CEACAM16: variants seen among roughly 807,000 people sequenced by gnomAD.
CEACAM16 encodes cell adhesion molecule CEACAM16.
In CEACAM16, 30 loss-of-function variants were observed where a neutral mutation model predicts 39.4. The ratio of observed to expected loss-of-function variants is 0.76; its 90% CI spans 0.57 to 1.03. The LOEUF is 1.03. Ranked by LOEUF, CEACAM16 falls within the 50% of genes least tolerant of loss-of-function variation. The pLI is 0.00. For synonymous variants in CEACAM16, 262 were observed against 264.9 expected, an observed-to-expected ratio of 0.99 and a Z score of 0.11; for missense variants, 521 against 585.3, an observed-to-expected ratio of 0.89 and a Z score of 1.13.
Position 44,701,614 on chromosome 19 carries a change from C to G in CEACAM16, c.37+121C>G, listed in dbSNP as rs553552036. 145 of 989,330 alleles carry G rather than the reference C, an allele frequency of 1.5e-4. 1 individual carries two copies. The African/African-American group carries it at 1.6e-3, about 11-fold the overall frequency. The allele number at this position is 989,330 out of a possible 1,614,324, so 61.3% of individuals were successfully genotyped here. On this transcript the variant is annotated intron_variant, in intron 2 of 6. Coordinates refer to ENST00000587331, the MANE Select transcript of CEACAM16 (RefSeq NM_001039213.4). The surrounding 1 kb of genome is among the most constrained non-coding windows in gnomAD (Gnocchi z 4.0). ...AGTCCAGCGTGCTAGGGAGGGAGGG[C>G]AGCCCTGCTTCACACCGGCAGTTTA... is the stretch of plus-strand genomic sequence containing the variant.
Position 44,701,442 on chromosome 19 carries a change from G to T in CEACAM16, c.-15G>T. Reference sequence around the variant, plus strand: ...TTCAACGCCACCATCTCCAAGACTCGGTTTGGGGTGAAAGATGGCGCTGAC... The same window carrying T: ...TTCAACGCCACCATCTCCAAGACTCTGTTTGGGGTGAAAGATGGCGCTGAC... On this transcript the variant is annotated 5_prime_UTR_variant, in exon 2 of 7. Coordinates refer to ENST00000587331, the MANE Select transcript of CEACAM16 (RefSeq NM_001039213.4). This position sits in a 1 kb window ranked among gnomAD's most constrained non-coding sequence, Gnocchi z 4.0. 1 of 1,560,986 alleles carries T rather than the reference G, an allele frequency of 6.4e-7. No homozygotes were observed.
intron 5 of CEACAM16, among the ~76,000 whole-genome samples, chr19:44,707,608 C>A (rs1974469230): frequency 6.6e-6 from 1 of 152,166 alleles, no homozygotes; most frequent in Non-Finnish European, 1.5e-5. Context: ...TAGGGTCTTC[C>A]AGTTTGATGG....
Position 44,701,631 on chromosome 19 carries a change from G to A in CEACAM16, c.37+138G>A, listed in dbSNP as rs535958134. On this transcript the variant is annotated intron_variant, in intron 2 of 6. Transcript: ENST00000587331. The surrounding 1 kb of genome is among the most constrained non-coding windows in gnomAD (Gnocchi z 4.0). ...AGGGAGGGCAGCCCTGCTTCACACC[G>A]GCAGTTTACCCCTCCAAGAGGCATC... 53 of 846,440 alleles carry A rather than the reference G, an allele frequency of 6.3e-5. No homozygotes were observed. Among genetic ancestry groups the A allele is most frequent in the African/African-American group, 8.3e-5 (5 of 60,032 alleles). 52.4% of individuals were successfully genotyped at this position (846,440 alleles called of 1,614,324 possible). A position where few individuals can be genotyped will look rare whatever the true frequency, so the allele number is the denominator to read the frequency against.
Position 44,701,456 on chromosome 19 carries a change from G to C in CEACAM16, c.-1G>C. ...CTCCAAGACTCGGTTTGGGGTGAAA[G>C]ATGGCGCTGACTGGGTACAGCTGGC... On this transcript the variant is annotated 5_prime_UTR_variant, in exon 2 of 7. Transcript: ENST00000587331. This position sits in a 1 kb window ranked among gnomAD's most constrained non-coding sequence, Gnocchi z 4.0. 1.3e-6 allele frequency: 2 copies of C among 1,564,290 alleles called. No homozygotes were observed.
chr19:44,701,394 G>T lies in CEACAM16; in HGVS notation c.-63G>T. 1.1e-5 allele frequency: 17 copies of T among 1,533,498 alleles called. No individual in the cohort carries two copies. The highest frequency in any genetic ancestry group is 1.5e-5 in the Non-Finnish European group (17 of 1,130,182). 95.0% of individuals were successfully genotyped at this position (1,533,498 alleles called of 1,614,324 possible). ...GCAGACGGAGCCGAGCCCCAACCAGGAAGGGAGTCCGAGCACTGGGACTTC... is the reference window on the plus strand; with the variant it reads ...GCAGACGGAGCCGAGCCCCAACCAGTAAGGGAGTCCGAGCACTGGGACTTC... On this transcript the variant is annotated 5_prime_UTR_variant, in exon 2 of 7. An upstream open reading frame in the 5' UTR gains an earlier in-frame stop. Coordinates refer to ENST00000587331, the MANE Select transcript of CEACAM16 (RefSeq NM_001039213.4). The surrounding 1 kb of genome is among the most constrained non-coding windows in gnomAD (Gnocchi z 4.0).
At chr19:44,708,357 A>G (rs572555812) in intron 6 of CEACAM16, among the ~76,000 whole-genome samples, 170 bp downstream of exon 6, 1 of 152,322 alleles carries the variant, frequency 6.6e-6, no homozygotes, top group African/African-American at 2.4e-5. Flanking sequence ...GGGGTCCCCA[A>G]ATAGGGTTCT....
At chr19:44,699,670 T>C (rs1402920168) in intron 1 of CEACAM16, among the ~76,000 whole-genome samples, 1 of 151,926 alleles carries the variant, frequency 6.6e-6, no homozygotes, top group Non-Finnish European at 1.5e-5. Flanking sequence ...AGCCACTGCG[T>C]CCGGCCATGA....
At chr19:44,700,521 C>T (rs948277876) in intron 1 of CEACAM16, among the ~76,000 whole-genome samples, 2 of 152,176 alleles carry the variant, frequency 1.3e-5, no homozygotes, top group African/African-American at 2.4e-5. Flanking sequence ...TCAAATGATC[C>T]GCCTGCCTTG....
At chr19:44,700,596 G>A (rs1321033270) in intron 1 of CEACAM16, among the ~76,000 whole-genome samples, 3 of 152,186 alleles carry the variant, frequency 2.0e-5, no homozygotes, top group Admixed American at 6.5e-5. Context: ...CTATTTATCA[G>A]AATAATAAAT....
rs763317239 is a variant in CEACAM16 at position 44,708,187 on chromosome 19, C to G, written c.1267C>G (p.Pro423Ala). 3 of 1,561,846 alleles carry G rather than the reference C, an allele frequency of 1.9e-6. No homozygotes were observed. Among genetic ancestry groups the G allele is most frequent in the Non-Finnish European group, 2.6e-6 (3 of 1,146,240 alleles). ...ACTGGAAGTGGAGCTGCAGGTGGCCCGTGAGTGTGTGGGAAGGGGCAAGGC... is the reference window on the plus strand; with the variant it reads ...ACTGGAAGTGGAGCTGCAGGTGGCCGGTGAGTGTGTGGGAAGGGGCAAGGC... ...ETLEVELQVA[P>A]LG Residue 423 changes from proline to alanine, a missense_variant and splice_region_variant, in exon 6 of 7, where the codon CCC (proline) becomes GCC (alanine). Transcript: ENST00000587331.
rs1040267459 is a variant in CEACAM16, at chr19:44,710,660, C to T, written c.*154C>T. On this transcript the variant is annotated 3_prime_UTR_variant, in exon 7 of 7. Transcript: ENST00000587331. ...ACCCTAGAGCTAGAGCCACAGGGCC[C>T]CACTCCCTCGCTGAGCTGTTGGGGA... 5 of 1,064,084 alleles carry T rather than the reference C, an allele frequency of 4.7e-6. No homozygotes were observed. The highest frequency in any genetic ancestry group is 1.6e-5 in the African/African-American group (1 of 64,002). 65.9% of individuals were successfully genotyped at this position (1,064,084 alleles called of 1,614,324 possible). A position where few individuals can be genotyped will look rare whatever the true frequency, so the allele number is the denominator to read the frequency against.
At chr19:44,705,891 A>C (rs1599812484) in intron 5 of CEACAM16, 23 bp downstream of exon 5, 3 of 1,592,984 alleles carry the variant, frequency 1.9e-6, no homozygotes, top group East Asian at 2.3e-5. Context: ...CAGCCTGACC[A>C]CCCCCCAGTC....
At position 44,705,730 on chromosome 19, in the gene CEACAM16, G is replaced by A. The variant is rs758738520; in HGVS notation, c.802G>A (p.Gly268Arg). The A allele has an allele frequency of 1.4e-5, 22 of 1,613,864 alleles. No individual in the cohort carries two copies. The highest frequency in any genetic ancestry group is 1.3e-4 in the Admixed American group (8 of 60,008). ...PEPEYVWTFN[G>R]QALKNGQDHL... ...GCCCGAGTATGTGTGGACCTTCAAC[G>A]GGCAGGCCCTAAAGAACGGCCAAGA... Residue 268 changes from glycine (G) to arginine (R), a missense_variant, in exon 5 of 7, where the codon GGG (glycine) becomes AGG (arginine). Gly to Arg is a moderately radical substitution (Grantham distance 125, BLOSUM62 -2). Coordinates refer to ENST00000587331, the MANE Select transcript of CEACAM16 (RefSeq NM_001039213.4).
In CEACAM16 at chr19:44,703,680, C is replaced by G. The variant is rs757791182; in HGVS notation, c.369C>G (p.His123Gln). The change falls in exon 3 of 7, where the codon CAC becomes CAG. Residue 123 changes from histidine (H) to glutamine (Q), a missense_variant. Transcript: ENST00000587331. ...TGCAGACCGAGGTGGGCTACGGACA[C>G]GTGCAGGTCCATGGTGAGACACCCC... Reference protein sequence around the residue: ...RQLQTEVGYGHVQVHEILAQP... With the variant: ...RQLQTEVGYGQVQVHEILAQP... The G allele has an allele frequency of 6.5e-7, 1 of 1,540,210 alleles. No homozygotes were observed. The highest frequency in any genetic ancestry group is 8.8e-7 in the Non-Finnish European group (1 of 1,137,912).
rs546525232 is a variant in CEACAM16, at chr19:44,709,579, G to A, written c.1268-917G>A. On this transcript the variant is annotated intron_variant, in intron 6 of 6. Coordinates refer to ENST00000587331, the MANE Select transcript of CEACAM16 (RefSeq NM_001039213.4). ...GGGTCTATGTCTCCTCCATCAGACC[G>A]GGAGCTCCCAGAGGCATGGTCCATG... 4.9e-5 allele frequency among the ~76,000 whole-genome samples: 7 copies of A among 143,440 alleles called. 2 individuals carry two copies. Among genetic ancestry groups the A allele is most frequent in the East Asian group, 2.1e-4 (1 of 4,858 alleles). 94.1% of individuals were successfully genotyped at this position (143,440 alleles called of 152,430 possible).
At chr19:44,703,869 A>G (rs1974393916) in intron 3 of CEACAM16, 149 bp from the exon 4 acceptor site, 2 of 1,084,440 alleles carry the variant, frequency 1.8e-6, no homozygotes, top group African/African-American at 3.2e-5. Context: ...CTCCAGGATT[A>G]GACCTGCCTC....
chr19:44,703,886 C>G (rs1168053616), intron 3 of CEACAM16, 132 bp from the exon 4 acceptor site: 1 of 1,189,696 alleles, frequency 8.4e-7, no homozygotes, highest in African/African-American at 1.5e-5. Context: ...CCTCCTAAAA[C>G]CATTCTTTGT....
intron 4 of CEACAM16, 125 bp from the exon 5 acceptor site, chr19:44,705,465 T>C (rs770274224): frequency 3.1e-6 from 3 of 971,484 alleles, no homozygotes; most frequent in East Asian, 2.7e-5. Flanking sequence ...GGCCAGAGCT[T>C]TTTTTCCCCT....
At chr19:44,703,839 C>A in intron 3 of CEACAM16, 146 bp downstream of exon 3, 2 of 996,666 alleles carry the variant, frequency 2.0e-6, no homozygotes, top group Non-Finnish European at 2.9e-6. Context: ...CCTCAAAATG[C>A]TCACCTCCTT....
Sources: allele counts gnomAD v4.1 joint callset (sites outside exome capture counted in the v4.1 genomes callset), GRCh38; gene constraint gnomAD v4.1.1; non-coding constraint Gnocchi (gnomAD v3.1); transcripts MANE v1.5; gene names NCBI Gene and HGNC (gene_info 2026-07-23, HGNC 2026-07-21).